Variants in ADAP2 observed in about 807,000 individuals in gnomAD.
ADAP2 encodes the protein arf-GAP with dual PH domain-containing protein 2.
In ADAP2, 42 loss-of-function variants were observed where a neutral mutation model predicts 54.9. The observed-to-expected ratio is 0.77, with a 90% confidence interval of 0.60 to 0.99. ADAP2 has a LOEUF of 0.99. Among genes scored for constraint, ADAP2 ranks in the 50% least tolerant of loss-of-function variants. The pLI, the probability that ADAP2 is intolerant of heterozygous loss-of-function variation, is 0.00. For synonymous variants in ADAP2, 177 were observed against 180.1 expected, an observed-to-expected ratio of 0.98 and a Z score of 0.14; for missense variants, 429 against 480.4, an observed-to-expected ratio of 0.89 and a Z score of 1.00.
intron 4 of ADAP2, among the ~76,000 whole-genome samples, chr17:30,933,298 A>G (rs1418682468): frequency 1.4e-5 from 2 of 147,448 alleles, no homozygotes; most frequent in African/African-American, 5.0e-5. Flanking sequence ...AGTGATTCTC[A>G]TGCCTCAGTC....
At chr17:30,954,618 G>A in intron 9 of ADAP2, 63 bp downstream of exon 9, 1 of 1,389,280 alleles carries the variant, frequency 7.2e-7, no homozygotes, top group East Asian at 2.3e-5. Flanking sequence ...GTGCTTGTCT[G>A]GAACTATGTG....
chr17:30,954,918 C>T (rs894716011), intron 9 of ADAP2, among the ~76,000 whole-genome samples: 1 of 152,088 alleles, frequency 6.6e-6, no homozygotes, highest in Non-Finnish European at 1.5e-5. Context: ...GGTCTCAGCC[C>T]TGCCACTTGT....
intron 2 of ADAP2, 115 bp from the exon 3 acceptor site, chr17:30,926,712 G>A: frequency 1.2e-6 from 1 of 857,258 alleles, no homozygotes; most frequent in South Asian, 1.5e-5. Flanking sequence ...AGCCCGGTGG[G>A]ACATCTCCTT....
intron 3 of ADAP2, among the ~76,000 whole-genome samples, chr17:30,930,737 G>A (rs965321467): frequency 6.6e-6 from 1 of 152,158 alleles, no homozygotes; most frequent in African/African-American, 2.4e-5. Flanking sequence ...GTGGCTATGG[G>A]GTAAGGTCAT....
intron 4 of ADAP2, among the ~76,000 whole-genome samples, chr17:30,932,819 T>C (rs1179962153): frequency 6.6e-6 from 1 of 151,860 alleles, no homozygotes; most frequent in African/African-American, 2.4e-5. Flanking sequence ...CTGCCCACCT[T>C]AGCCTCCCAA....
chr17:30,936,779 T>C (rs1911916552), intron 5 of ADAP2, among the ~76,000 whole-genome samples: 1 of 152,200 alleles, frequency 6.6e-6, no homozygotes, highest in African/African-American at 2.4e-5. Flanking sequence ...TTTTTATTAT[T>C]AAGTTGTAAT....
At position 30,956,315 on chromosome 17, in the gene ADAP2, G is replaced by A; in HGVS notation, c.957G>A (p.Lys319=). The A allele has an allele frequency of 1.2e-6, 2 of 1,614,206 alleles. No homozygotes were observed. The highest frequency in any genetic ancestry group is 1.7e-6 in the Non-Finnish European group (2 of 1,180,038). The part of the protein sequence containing the change: ...QGYEAYEDLP[K]GIRGNRWKAG... ...ATGAAGCCTACGAAGACCTGCCCAA[G>A]GGCATCCGAGGAAATCGCTGGAAAG... Residue 319 remains lysine, a synonymous_variant, in exon 10 of 11, where the codon AAG becomes AAA. Transcript: ENST00000330889.
At chr17:30,925,793 T>C (rs946142793) in intron 2 of ADAP2, among the ~76,000 whole-genome samples, 1 of 152,076 alleles carries the variant, frequency 6.6e-6, no homozygotes, top group Non-Finnish European at 1.5e-5. Flanking sequence ...AGAGTCTTGC[T>C]CTATTGCCTA....
intron 10 of ADAP2, 197 bp downstream of exon 10, chr17:30,956,666 T>C: frequency 4.8e-6 from 3 of 626,300 alleles, no homozygotes; most frequent in East Asian, 2.9e-5. Context: ...CCACTCTGGG[T>C]TCCCCTAACC....
Position 30,921,961 on chromosome 17 carries a change from C to G in ADAP2, c.-54C>G. ...CGCGGCCGGGTCCCTCTCCACCTGC[C>G]GGGCGGAGCGCACGGGCCATGGGCT... On this transcript the variant is annotated 5_prime_UTR_variant, in exon 1 of 11. Transcript: ENST00000330889. The G allele has an allele frequency of 8.4e-7, 1 of 1,185,156 alleles. No individual in the cohort carries two copies. The highest frequency in any genetic ancestry group is 1.1e-6 in the Non-Finnish European group (1 of 948,986). 73.4% of individuals were successfully genotyped at this position (1,185,156 alleles called of 1,614,324 possible).
In ADAP2 at chr17:30,942,071, A is replaced by G. The variant is rs144002573; in HGVS notation, c.511-2836A>G. Among the ~76,000 whole-genome samples the G allele has an allele frequency of 6.4e-4, 97 of 152,042 alleles. 1 individual carries two copies. The highest frequency in any genetic ancestry group is 1.3e-3 in the Non-Finnish European group (86 of 67,962). On this transcript the variant is annotated intron_variant, in intron 5 of 10. Transcript: ENST00000330889. ...CAGGTGTGTACCACCACTCCCAGCT[A>G]ATTTTTGTATTTTTAGTAGAGACAG... is the stretch of plus-strand genomic sequence containing the variant.
chr17:30,958,115 C>A lies in ADAP2; in HGVS notation c.*246C>A, dbSNP rs1467150147. 1.9e-6 allele frequency: 1 copy of A among 536,802 alleles called. No homozygotes were observed. The highest frequency in any genetic ancestry group is 3.2e-5 in the Admixed American group (1 of 30,980). 33.3% of individuals were successfully genotyped at this position (536,802 alleles called of 1,614,324 possible). On this transcript the variant is annotated 3_prime_UTR_variant, in exon 11 of 11. Transcript: ENST00000330889. ...TCTATCCCCTCCTCCCCCATACACACCTAGGCTTGAAATGCCCTACAGGCC... is the reference window on the plus strand; with the variant it reads ...TCTATCCCCTCCTCCCCCATACACAACTAGGCTTGAAATGCCCTACAGGCC...
chr17:30,949,511 G>C, intron 7 of ADAP2, 141 bp downstream of exon 7: 1 of 662,034 alleles, frequency 1.5e-6, no homozygotes, highest in South Asian at 1.7e-5. Context: ...CACTTTGGGA[G>C]GCTGAGGCGG....
At position 30,934,255 on chromosome 17, in the gene ADAP2, T is replaced by G. The variant is rs1159405176; in HGVS notation, c.468T>G (p.Leu156=). The change falls in exon 5 of 11, where the codon CTT becomes CTG. Residue 156 remains leucine, a synonymous_variant. Transcript: ENST00000330889. ...AGTTTCTGAGAAGGAAGTTTGTACTTCTGGCAAGAGAAGGCCTCCTGAAGT... is the reference window on the plus strand; with the variant it reads ...AGTTTCTGAGAAGGAAGTTTGTACTGCTGGCAAGAGAAGGCCTCCTGAAGT... ...NSQFLRRKFV[L]LAREGLLKYF... The G allele has an allele frequency of 6.2e-7, 1 of 1,614,044 alleles. No homozygotes were observed. The highest frequency in any genetic ancestry group is 1.1e-5 in the South Asian group (1 of 91,074).
At position 30,946,919 on chromosome 17, in the gene ADAP2, GC is replaced by G. The variant is rs202006524; in HGVS notation, c.657+1871del. 4.9e-3 allele frequency among the ~76,000 whole-genome samples: 752 copies of G among 152,282 alleles called. 10 individuals carry two copies. The highest frequency in any genetic ancestry group is 0.017 in the African/African-American group (708 of 41,560). ...AGGGGCCCCTAGCACCATGGCCCTA[GC>G]CCCCTCTCCATGCCAATCACTGCCA... On this transcript the variant is annotated intron_variant, in intron 6 of 10. Coordinates refer to ENST00000330889, the MANE Select transcript of ADAP2 (RefSeq NM_018404.3).
At chr17:30,925,183 A>ATT (rs57259969) in intron 2 of ADAP2, among the ~76,000 whole-genome samples, 24,199 of 98,020 alleles carry the variant, frequency 0.25, 3,399 homozygotes, top group Non-Finnish European at 0.28. Context: ...CGTGCCCAGC[A>ATT]TTTTTTTTTT....
intron 3 of ADAP2, among the ~76,000 whole-genome samples, chr17:30,929,506 G>A (rs554847270): frequency 6.6e-6 from 1 of 152,264 alleles, no homozygotes; most frequent in East Asian, 1.9e-4. Flanking sequence ...CAGCAGCCCT[G>A]CACTTTAACC....
intron 10 of ADAP2, 135 bp downstream of exon 10, chr17:30,956,604 C>A (rs1032912967): frequency 1.2e-6 from 1 of 869,232 alleles, no homozygotes; most frequent in Non-Finnish European, 1.8e-6. Context: ...GTCTTCTCTT[C>A]CTGCAAAAGA....
intron 2 of ADAP2, among the ~76,000 whole-genome samples, chr17:30,924,612 T>C (rs1013201809): frequency 6.6e-6 from 1 of 152,074 alleles, no homozygotes; most frequent in Non-Finnish European, 1.5e-5. Flanking sequence ...TCCAGGACTA[T>C]TGGGGAAGCA....
Sources: allele counts gnomAD v4.1 joint callset (sites outside exome capture counted in the v4.1 genomes callset), GRCh38; gene constraint gnomAD v4.1.1; transcripts MANE v1.5; gene names NCBI Gene and HGNC (gene_info 2026-07-23, HGNC 2026-07-21).